RHEB: variants seen among roughly 807,000 people sequenced by gnomAD.
RHEB encodes Ras homolog, mTORC1 binding.
Under a neutral mutation model 28.8 loss-of-function variants are expected in RHEB, and 2 were observed. That is an observed-to-expected ratio of 0.07 (90% CI 0.03 to 0.22). The LOEUF (loss-of-function observed/expected upper bound fraction) is 0.22, where lower values mean the gene tolerates loss of function less well. RHEB is among the 10% of genes least tolerant of loss of function. The pLI is 1.00. For synonymous variants in RHEB, 69 were observed against 77.3 expected, an observed-to-expected ratio of 0.89 and a Z score of 0.56; for missense variants, 76 against 219.9, an observed-to-expected ratio of 0.35 and a Z score of 4.14.
At chr7:151,504,067 G>A (rs925060953) in intron 1 of RHEB, among the ~76,000 whole-genome samples, 29 of 152,192 alleles carry the variant, frequency 1.9e-4, no homozygotes, top group African/African-American at 6.8e-4. Flanking sequence ...TCTCCCTCCA[G>A]ACTGGCAGTT....
At chr7:151,490,921 A>G in intron 2 of RHEB, 22 bp downstream of exon 2, 2 of 1,572,344 alleles carry the variant, frequency 1.3e-6, no homozygotes, top group Non-Finnish European at 1.8e-6. Flanking sequence ...TCAGTTTTTA[A>G]GTACTTGAAA....
intron 1 of RHEB, among the ~76,000 whole-genome samples, chr7:151,496,363 T>C (rs1192923593): frequency 6.6e-6 from 1 of 152,208 alleles, no homozygotes; most frequent in Non-Finnish European, 1.5e-5. Flanking sequence ...TCTCCCTTTC[T>C]GATTCTCATC....
At chr7:151,494,101 G>A (rs945400104) in intron 1 of RHEB, among the ~76,000 whole-genome samples, 2 of 152,076 alleles carry the variant, frequency 1.3e-5, no homozygotes, top group African/African-American at 4.8e-5. Context: ...GAAAGAAAGC[G>A]ATCATTTTCT....
At chr7:151,485,951 T>A (rs1802466757) in intron 2 of RHEB, among the ~76,000 whole-genome samples, 1 of 152,198 alleles carries the variant, frequency 6.6e-6, no homozygotes, top group African/African-American at 2.4e-5. Flanking sequence ...GTTATCACTT[T>A]TAGGAAACAG....
chr7:151,471,426 C>A lies in RHEB; in HGVS notation c.348G>T (p.Leu116Phe). 1 of 1,583,708 alleles carries A rather than the reference C, an allele frequency of 6.3e-7. No individual in the cohort carries two copies. Among genetic ancestry groups the A allele is most frequent in the Non-Finnish European group, 8.7e-7 (1 of 1,154,284 alleles). ...TATGCAGGTCTTTCTTATTCCCAAC[C>A]AACATAATAGGTATTCTATTTGTAA... ...MVGKVQIPIM[L>F]VGNKKDLHME... The change falls in exon 6 of 8, where the codon TTG (leucine) becomes TTT (phenylalanine). Residue 116 changes from leucine (L) to phenylalanine (F), a missense_variant. Transcript: ENST00000262187.
intron 2 of RHEB, 152 bp from the exon 3 acceptor site, chr7:151,484,956 T>G (rs1303791281): frequency 3.4e-6 from 2 of 590,760 alleles, no homozygotes; most frequent in East Asian, 5.6e-5. Flanking sequence ...CTGACTTGTA[T>G]AGATTCTCCC....
chr7:151,507,184 C>G (rs1802897928), intron 1 of RHEB, among the ~76,000 whole-genome samples: 3 of 152,148 alleles, frequency 2.0e-5, no homozygotes. Flanking sequence ...CCTGAATCAC[C>G]ACTGTTAAAA....
chr7:151,484,705 T>C (rs1397118290), intron 3 of RHEB, 32 bp downstream of exon 3: 1 of 1,471,268 alleles, frequency 6.8e-7, no homozygotes, highest in Non-Finnish European at 9.5e-7. Context: ...AGATATGCTG[T>C]ATAAGATTCT....
At chr7:151,491,152 T>C in intron 1 of RHEB, 138 bp from the exon 2 acceptor site, 1 of 612,708 alleles carries the variant, frequency 1.6e-6, no homozygotes, top group Non-Finnish European at 2.9e-6. Flanking sequence ...TTAATTAGCA[T>C]GTGAGCAATT....
chr7:151,498,351 G>A (rs978710018), intron 1 of RHEB, among the ~76,000 whole-genome samples: 1 of 152,136 alleles, frequency 6.6e-6, no homozygotes, highest in Non-Finnish European at 1.5e-5. Flanking sequence ...GGATACAGTA[G>A]CTGTAATCCT....
chr7:151,471,079 C>T (rs1802154027), intron 6 of RHEB, among the ~76,000 whole-genome samples: 1 of 152,278 alleles, frequency 6.6e-6, no homozygotes, highest in African/African-American at 2.4e-5. Context: ...CATCTGCCTC[C>T]TTTGCTCCTC....
At position 151,475,513 on chromosome 7, in the gene RHEB, T is replaced by A. The variant is rs1310679702; in HGVS notation, c.275+1820A>T. 6.6e-5 allele frequency among the ~76,000 whole-genome samples: 10 copies of A among 152,336 alleles called. No homozygotes were observed. The East Asian group carries it at 1.9e-3, about 29-fold the overall frequency. ...TTAGATTATTGGTACACTAAATTTG[T>A]TCTGGACAAGGCCTTACACGTGGCA... On this transcript the variant is annotated intron_variant, in intron 4 of 7. Coordinates refer to ENST00000262187, the MANE Select transcript of RHEB (RefSeq NM_005614.4).
chr7:151,476,440 C>G (rs1288857171), intron 4 of RHEB, among the ~76,000 whole-genome samples: 2 of 152,226 alleles, frequency 1.3e-5, no homozygotes, highest in Non-Finnish European at 2.9e-5. Context: ...TGGACAGTGT[C>G]AGCCTTGACT....
intron 1 of RHEB, chr7:151,501,895 T>C: frequency 7.2e-6 from 5 of 692,914 alleles, no homozygotes. Context: ...ACGACCCCAG[T>C]GCTGTGGACA....
At chr7:151,506,783 G>A (rs1018068650) in intron 1 of RHEB, among the ~76,000 whole-genome samples, 2 of 152,150 alleles carry the variant, frequency 1.3e-5, no homozygotes, top group Non-Finnish European at 2.9e-5. Flanking sequence ...CCCATTTCAT[G>A]TGCTCATGGT....
chr7:151,491,031 G>A lies in RHEB; in HGVS notation c.53-17C>T. Reference sequence around the variant, plus strand: ...AGGATTTCCCTATAAAAGAGAACAAGAGCTTAGTGTGTGTTGGCATATGAA... The same window carrying A: ...AGGATTTCCCTATAAAAGAGAACAAAAGCTTAGTGTGTGTTGGCATATGAA... On this transcript the variant is annotated splice_polypyrimidine_tract_variant and intron_variant, in intron 1 of 7. Coordinates refer to ENST00000262187, the MANE Select transcript of RHEB (RefSeq NM_005614.4). The A allele has an allele frequency of 6.3e-7, 1 of 1,599,134 alleles. No individual in the cohort carries two copies. Among genetic ancestry groups the A allele is most frequent in the Non-Finnish European group, 8.5e-7 (1 of 1,170,152 alleles).
intron 6 of RHEB, among the ~76,000 whole-genome samples, chr7:151,471,124 T>C (rs1298641652): frequency 6.6e-6 from 1 of 152,252 alleles, no homozygotes; most frequent in Non-Finnish European, 1.5e-5. Flanking sequence ...CAAAAACCAC[T>C]TGCTGCATAA....
chr7:151,479,451 G>C (rs971699043), intron 3 of RHEB, among the ~76,000 whole-genome samples: 1 of 152,126 alleles, frequency 6.6e-6, no homozygotes, highest in African/African-American at 2.4e-5. Flanking sequence ...GGGAGGCCAA[G>C]GTGGGCAGAT....
At chr7:151,518,896 G>A (rs1161206435) in intron 1 of RHEB, 1 of 152,174 alleles carries the variant, frequency 6.6e-6, no homozygotes, top group East Asian at 1.9e-4. Flanking sequence ...GGTTTCCTAT[G>A]CAGAAAACTT....
Sources: allele counts gnomAD v4.1 joint callset (sites outside exome capture counted in the v4.1 genomes callset), GRCh38; gene constraint gnomAD v4.1.1; transcripts MANE v1.5; gene names NCBI Gene and HGNC (gene_info 2026-07-23, HGNC 2026-07-21).